The following CDH18 variants were observed in gnomAD, a reference collection of about 807,000 sequenced individuals.
The protein encoded by CDH18 is cadherin 18.
A neutral mutation model predicts 67.9 loss-of-function variants in CDH18; 31 were observed. The ratio of observed to expected loss-of-function variants is 0.46; its 90% confidence interval spans 0.34 to 0.62. The LOEUF is 0.62. Among genes scored for constraint, CDH18 ranks in the 20% least tolerant of loss-of-function variants. The pLI is 0.01. For synonymous variants in CDH18, 362 were observed against 347.2 expected (o/e 1.04, Z -0.48); for missense variants, 890 against 975.5 (o/e 0.91, Z 1.17).
chr5:20,136,223 G>A (rs1186730971), intron 2 of CDH18, among the ~76,000 whole-genome samples: 1 of 152,200 alleles, frequency 6.6e-6, no homozygotes, highest in African/African-American at 2.4e-5. Flanking sequence ...TTGTGTGGGA[G>A]TCTAAGTCTC....
chr5:20,068,006 T>C (rs1743131515), intron 2 of CDH18, among the ~76,000 whole-genome samples: 1 of 152,108 alleles, frequency 6.6e-6, no homozygotes. Flanking sequence ...CTTGTCCCTT[T>C]CCTTTTGTTT....
At chr5:20,529,786 T>C (rs534610395) in intron 1 of CDH18, among the ~76,000 whole-genome samples, 2 of 152,132 alleles carry the variant, frequency 1.3e-5, no homozygotes, top group Admixed American at 6.6e-5. Flanking sequence ...AATATCATAA[T>C]GAATGGGCAA....
chr5:19,839,888 T>G (rs1782079822), intron 2 of CDH18, among the ~76,000 whole-genome samples: 1 of 152,082 alleles, frequency 6.6e-6, no homozygotes, highest in African/African-American at 2.4e-5. Context: ...TTCTAGCAAT[T>G]ATCTAAAGAC....
chr5:20,212,970 A>G (rs1409219391), intron 2 of CDH18, among the ~76,000 whole-genome samples: 1 of 152,072 alleles, frequency 6.6e-6, no homozygotes, highest in African/African-American at 2.4e-5. Context: ...TTTTCCTTCA[A>G]AAACTTTAGC....
At chr5:20,424,918 G>A (rs145542475) in intron 1 of CDH18, among the ~76,000 whole-genome samples, 15 of 150,620 alleles carry the variant, frequency 1.0e-4, no homozygotes, top group Admixed American at 2.0e-4. Flanking sequence ...AAGAGCAAAC[G>A]TTGGCAGAGC....
intron 2 of CDH18, among the ~76,000 whole-genome samples, chr5:20,252,167 C>T (rs1357899084): frequency 1.3e-5 from 2 of 151,882 alleles, no homozygotes; most frequent in African/African-American, 4.8e-5. Context: ...TCCTGGCCAA[C>T]ATGTAAAACC....
At chr5:20,047,277 A>G (rs2150483399) in intron 2 of CDH18, among the ~76,000 whole-genome samples, 1 of 152,024 alleles carries the variant, frequency 6.6e-6, no homozygotes, top group South Asian at 2.1e-4. Context: ...TAAAAATTAT[A>G]TGGTGAACAT....
intron 2 of CDH18, among the ~76,000 whole-genome samples, chr5:19,873,390 T>A (rs747042639): frequency 2.6e-4 from 39 of 152,024 alleles, no homozygotes; most frequent in Non-Finnish European, 5.4e-4. Flanking sequence ...AAGAAAAACA[T>A]AGTCGGTGAG....
chr5:20,017,639 T>G (rs1443709351), intron 2 of CDH18, among the ~76,000 whole-genome samples: 1 of 152,178 alleles, frequency 6.6e-6, no homozygotes, highest in Non-Finnish European at 1.5e-5. Flanking sequence ...AATAACTATG[T>G]TGTCACATCA....
intron 1 of CDH18, among the ~76,000 whole-genome samples, chr5:20,544,233 C>G (rs1757213925): frequency 6.6e-6 from 1 of 151,914 alleles, no homozygotes; most frequent in African/African-American, 2.4e-5. Context: ...ACAAGCATAC[C>G]TCACAGATGG....
chr5:19,997,121 G>A (rs1327893365), intron 2 of CDH18, among the ~76,000 whole-genome samples: 1 of 151,934 alleles, frequency 6.6e-6, no homozygotes, highest in Non-Finnish European at 1.5e-5. Context: ...TGTTGGGATA[G>A]GTAGAATTTG....
At chr5:20,562,109 C>T (rs1758253965) in intron 1 of CDH18, among the ~76,000 whole-genome samples, 1 of 151,612 alleles carries the variant, frequency 6.6e-6, no homozygotes, top group Non-Finnish European at 1.5e-5. Flanking sequence ...TCACAAAAAC[C>T]AGAGATCTAT....
chr5:19,509,770 A>G (rs1289004682), intron 10 of CDH18, among the ~76,000 whole-genome samples: 1 of 152,152 alleles, frequency 6.6e-6, no homozygotes, highest in Non-Finnish European at 1.5e-5. Context: ...TTATTTTTTC[A>G]ATGTTTCCAC....
Position 19,661,274 on chromosome 5 carries a change from GTTTTTGGACAAAT to G in CDH18, c.644-48686_644-48674del, listed in dbSNP as rs551381322. ...ATTTTAAGTTTATAATAAGACTGGA[GTTTTTGGACAAAT>G]TTTATTTCTTAAGGCACTTTTGTAA... On this transcript the variant is annotated intron_variant, in intron 5 of 12. Coordinates refer to ENST00000382275, the MANE Select transcript of CDH18 (RefSeq NM_004934.5). Among the ~76,000 whole-genome samples, 304 of 151,924 alleles carry G rather than the reference GTTTTTGGACAAAT, an allele frequency of 2.0e-3. 1 individual carries two copies. The highest frequency in any genetic ancestry group is 0.017 in the Middle Eastern group (5 of 292).
intron 2 of CDH18, among the ~76,000 whole-genome samples, chr5:19,956,994 T>G (rs1436228999): frequency 6.6e-6 from 1 of 151,984 alleles, no homozygotes; most frequent in Non-Finnish European, 1.5e-5. Context: ...TAATTACTTT[T>G]AATACCACTT....
At chr5:19,870,820 A>C (rs1247965743) in intron 2 of CDH18, among the ~76,000 whole-genome samples, 1 of 152,200 alleles carries the variant, frequency 6.6e-6, no homozygotes, top group Admixed American at 6.5e-5. Flanking sequence ...TTAGCTCAAT[A>C]ATACACACCT....
intron 2 of CDH18, chr5:19,885,997 C>A (rs1436056584): frequency 6.6e-6 from 1 of 152,148 alleles, no homozygotes; most frequent in Non-Finnish European, 1.5e-5. Context: ...CTGTATCATG[C>A]CATTTTATTT....
intron 2 of CDH18, among the ~76,000 whole-genome samples, chr5:20,207,996 A>C (rs1041865606): frequency 1.3e-5 from 2 of 152,116 alleles, no homozygotes. Context: ...GAACAGAAAA[A>C]TTAAATATAA....
intron 1 of CDH18, among the ~76,000 whole-genome samples, chr5:20,368,394 C>A (rs974732572): frequency 6.6e-6 from 1 of 151,992 alleles, no homozygotes; most frequent in East Asian, 1.9e-4. Flanking sequence ...GAATCTGGGA[C>A]AGAGAAAATA....
Sources: gnomAD v4.1 joint callset for allele counts (sites outside exome capture counted in the v4.1 genomes callset) on GRCh38, gnomAD v4.1.1 for gene constraint, MANE v1.5 for transcripts, NCBI Gene and HGNC (gene_info 2026-07-23, HGNC 2026-07-21) for gene names.